The following PIK3C2G variants were observed in gnomAD, a reference collection of about 807,000 sequenced individuals.
PIK3C2G encodes phosphatidylinositol-4-phosphate 3-kinase catalytic subunit type 2 gamma, also known as phosphatidylinositol 3-kinase C2 domain-containing subunit gamma.
A neutral mutation model predicts 181.1 loss-of-function variants in PIK3C2G; 168 were observed. The ratio of observed to expected loss-of-function variants is 0.93; its 90% confidence interval spans 0.82 to 1.05. PIK3C2G has a LOEUF of 1.05. PIK3C2G is among the 50% of genes least tolerant of loss of function. PIK3C2G has a pLI of 0.00. For synonymous variants in PIK3C2G, 573 were observed against 592.2 expected (o/e 0.97, Z 0.47); for missense variants, 1,869 against 1,732.8 (o/e 1.08, Z -1.40).
chr12:18,668,973 C>G, the PIK3C2G span, among the ~76,000 whole-genome samples: 4 of 152,136 alleles, frequency 2.6e-5, no homozygotes, highest in Admixed American at 1.3e-4. Context: ...AAGAGAGAAG[C>G]TCCAGGTGTG....
At chr12:18,328,764 G>A (rs1951460783) in intron 8 of PIK3C2G, among the ~76,000 whole-genome samples, 1 of 151,902 alleles carries the variant, frequency 6.6e-6, no homozygotes, top group African/African-American at 2.4e-5. Context: ...TTTAAGAAAA[G>A]GTGAGTACCC....
chr12:18,336,188 C>A lies in PIK3C2G; in HGVS notation c.1273-2238C>A, dbSNP rs542412768. 9.2e-5 allele frequency among the ~76,000 whole-genome samples: 14 copies of A among 152,134 alleles called. 1 individual carries two copies. Among genetic ancestry groups the A allele is most frequent in the Non-Finnish European group, 1.8e-4 (12 of 67,976 alleles). ...TTAGCCCTCATTATCTGCCAGGCAC[C>A]ATATTTCATATTTTATCTAATTTAA... On this transcript the variant is annotated intron_variant, in intron 8 of 32. Transcript: ENST00000538779.
intron 24 of PIK3C2G, among the ~76,000 whole-genome samples, chr12:18,517,014 T>TCTTTG (rs200387884): frequency 0.014 from 2,055 of 151,396 alleles, 27 homozygotes; most frequent in Non-Finnish European, 0.023. Flanking sequence ...TTTTCTTTTT[T>TCTTTG]CTTTGCTTTG....
At chr12:18,461,485 C>T (rs556595881) in intron 18 of PIK3C2G, among the ~76,000 whole-genome samples, 1 of 152,238 alleles carries the variant, frequency 6.6e-6, no homozygotes, top group Non-Finnish European at 1.5e-5. Flanking sequence ...AGAGAATACA[C>T]ATGAGAATAT....
At chr12:18,329,366 C>G (rs953216169) in intron 8 of PIK3C2G, among the ~76,000 whole-genome samples, 4 of 151,876 alleles carry the variant, frequency 2.6e-5, no homozygotes, top group Non-Finnish European at 5.9e-5. Flanking sequence ...GTATCACACA[C>G]CTGTTTGCCA....
At chr12:18,486,900 T>A (rs1009513694) in intron 18 of PIK3C2G, among the ~76,000 whole-genome samples, 1 of 152,342 alleles carries the variant, frequency 6.6e-6, no homozygotes, top group South Asian at 2.1e-4. Context: ...TGCATTCACA[T>A]GCATGCAACA....
chr12:18,656,124 T>C, the PIK3C2G span, among the ~76,000 whole-genome samples: 1 of 152,152 alleles, frequency 6.6e-6, no homozygotes, highest in Non-Finnish European at 1.5e-5. Flanking sequence ...TAAAGTTCCA[T>C]TCTTCCACAA....
intron 29 of PIK3C2G, among the ~76,000 whole-genome samples, chr12:18,579,254 A>G (rs1449424029): frequency 6.6e-6 from 1 of 152,222 alleles, no homozygotes; most frequent in African/African-American, 2.4e-5. Context: ...TATAAATAAC[A>G]TATGACAGTG....
At chr12:18,699,435 C>T in the PIK3C2G span, among the ~76,000 whole-genome samples, 4 of 152,240 alleles carry the variant, frequency 2.6e-5, no homozygotes, top group East Asian at 3.9e-4. Context: ...TCTTCTCCTG[C>T]GCACCTTCGC....
intron 3 of PIK3C2G, among the ~76,000 whole-genome samples, chr12:18,288,050 T>A (rs1200525373): frequency 6.6e-6 from 1 of 151,920 alleles, no homozygotes; most frequent in Non-Finnish European, 1.5e-5. Flanking sequence ...TAATCCCAGC[T>A]ACTCGGGAGG....
At chr12:18,550,568 G>A (rs571657757) in intron 26 of PIK3C2G, among the ~76,000 whole-genome samples, 5 of 151,802 alleles carry the variant, frequency 3.3e-5, no homozygotes, top group South Asian at 2.1e-4. Flanking sequence ...TGGTGTCTTC[G>A]TGCTTCAATG....
chr12:18,488,471 G>A lies in PIK3C2G; in HGVS notation c.2527G>A (p.Glu843Lys), dbSNP rs553015066. 1.3e-6 allele frequency: 2 copies of A among 1,528,092 alleles called. No homozygotes were observed. The highest frequency in any genetic ancestry group is 8.8e-7 in the Non-Finnish European group (1 of 1,140,356). The allele number at this position is 1,528,092 out of a possible 1,614,324, so 94.7% of individuals were successfully genotyped here. A position where few individuals can be genotyped will look rare whatever the true frequency, so the allele number is the denominator to read the frequency against. ...CAGGCTGCTAAAAAATGCAGAAAATGAAGCTTATTTTAAAAGCTGGTATCA... is the reference window on the plus strand; with the variant it reads ...CAGGCTGCTAAAAAATGCAGAAAATAAAGCTTATTTTAAAAGCTGGTATCA... Reference protein sequence around the residue: ...LYWLLKNAENEAYFKSWYQKL... With the variant: ...LYWLLKNAENKAYFKSWYQKL... Residue 843 changes from glutamate (E) to lysine (K), a missense_variant, in exon 19 of 33, where the codon GAA becomes AAA. Coordinates refer to ENST00000538779, the MANE Select transcript of PIK3C2G (RefSeq NM_001288772.2).
intron 12 of PIK3C2G, among the ~76,000 whole-genome samples, chr12:18,370,231 G>A (rs904375041): frequency 3.3e-5 from 5 of 152,082 alleles, no homozygotes; most frequent in Non-Finnish European, 7.4e-5. Context: ...TGCCACCTAC[G>A]TATACCCCAT....
At position 18,290,993 on chromosome 12, in the gene PIK3C2G, T is replaced by G; in HGVS notation, c.900T>G (p.Pro300=). The part of the protein sequence containing the change: ...IHIFIDNSTQ[P]LHFMPCANYL... ...TTTTTATTGATAACTCAACACAACCTCTTCATTTTATGCCATGTGGTAAGC... is the reference window on the plus strand; with the variant it reads ...TTTTTATTGATAACTCAACACAACCGCTTCATTTTATGCCATGTGGTAAGC... The change falls in exon 4 of 33, where the codon CCT becomes CCG. Residue 300 remains proline, a synonymous_variant. Transcript: ENST00000538779. The G allele has an allele frequency of 1.2e-5, 19 of 1,601,560 alleles. No individual in the cohort carries two copies. Among genetic ancestry groups the G allele is most frequent in the Non-Finnish European group, 1.6e-5 (19 of 1,169,934 alleles).
the PIK3C2G span, among the ~76,000 whole-genome samples, chr12:18,660,132 G>A: frequency 3.8e-4 from 58 of 152,104 alleles, no homozygotes; most frequent in Non-Finnish European, 7.6e-4. Context: ...AGGCTTGCTT[G>A]CACCTTCCAG....
intron 19 of PIK3C2G, among the ~76,000 whole-genome samples, chr12:18,491,207 T>C (rs1940539857): frequency 6.6e-6 from 1 of 152,182 alleles, no homozygotes; most frequent in Non-Finnish European, 1.5e-5. Flanking sequence ...TTATTTTTAG[T>C]TGAATTTGAG....
chr12:18,481,166 C>A lies in PIK3C2G; in HGVS notation c.2505-7283C>A, dbSNP rs544907812. ...GGCCAGGATGGTCTCGATGTCTTGA[C>A]CTCGTGATCAGCCCACCTAGGCCTC... is the stretch of plus-strand genomic sequence containing the variant. On this transcript the variant is annotated intron_variant, in intron 18 of 32. Transcript: ENST00000538779. Among the ~76,000 whole-genome samples, 90 of 152,186 alleles carry A rather than the reference C, an allele frequency of 5.9e-4. 1 individual carries two copies. The highest frequency in any genetic ancestry group is 2.1e-3 in the African/African-American group (86 of 41,508).
At chr12:18,587,492 T>A (rs556309496) in intron 29 of PIK3C2G, among the ~76,000 whole-genome samples, 16 of 152,136 alleles carry the variant, frequency 1.1e-4, no homozygotes, top group Non-Finnish European at 1.6e-4. Flanking sequence ...GGAACACAAC[T>A]AACCAGAGAG....
At chr12:18,677,965 T>C in the PIK3C2G span, among the ~76,000 whole-genome samples, 2 of 152,100 alleles carry the variant, frequency 1.3e-5, no homozygotes, top group African/African-American at 2.4e-5. Context: ...CATAAATGTA[T>C]TTCAATCAAG....
Sources: gnomAD v4.1 joint callset for allele counts (sites outside exome capture counted in the v4.1 genomes callset) on GRCh38, gnomAD v4.1.1 for gene constraint, MANE v1.5 for transcripts, NCBI Gene and HGNC (gene_info 2026-07-23, HGNC 2026-07-21) for gene names.